The following TESK2 variants were observed in gnomAD, a reference collection of about 807,000 sequenced individuals.
TESK2 encodes the protein dual specificity testis-specific protein kinase 2.
A neutral mutation model predicts 57.1 loss-of-function variants in TESK2; 39 were observed. That is an observed-to-expected ratio of 0.68 (90% CI 0.53 to 0.89). The LOEUF (loss-of-function observed/expected upper bound fraction) is 0.89. Among genes scored for constraint, TESK2 ranks in the 40% least tolerant of loss-of-function variants. The pLI is 0.00. For synonymous variants in TESK2, 249 were observed against 267.9 expected, an observed-to-expected ratio of 0.93 and a Z score of 0.69; for missense variants, 646 against 732.1, an observed-to-expected ratio of 0.88 and a Z score of 1.36.
In TESK2 at chr1:45,344,005, T is replaced by C. The variant is rs958649405; in HGVS notation, c.*835A>G. 8.6e-5 allele frequency: 28 copies of C among 325,130 alleles called. No individual in the cohort carries two copies. Among genetic ancestry groups the C allele is most frequent in the Non-Finnish European group, 1.5e-4 (25 of 172,068 alleles). The allele number at this position is 325,130 out of a possible 1,614,324, so 20.1% of individuals were successfully genotyped here. On this transcript the variant is annotated 3_prime_UTR_variant, in exon 11 of 11. Transcript: ENST00000372086. Reference sequence around the variant, plus strand: ...CAGCTTCATCTTTGGTTATTTCTTATTGCAGCTCTGTAAGGACAGACTGTT... The same window carrying C: ...CAGCTTCATCTTTGGTTATTTCTTACTGCAGCTCTGTAAGGACAGACTGTT...
chr1:45,348,156 C>A (rs956918978), intron 5 of TESK2, among the ~76,000 whole-genome samples, 156 bp from the exon 6 acceptor site: 10 of 152,148 alleles, frequency 6.6e-5, no homozygotes, highest in Non-Finnish European at 1.0e-4. Flanking sequence ...AGGTCAGGGG[C>A]TCTAAGACAG....
At chr1:45,368,773 A>C (rs1176060098) in intron 4 of TESK2, among the ~76,000 whole-genome samples, 4 of 147,266 alleles carry the variant, frequency 2.7e-5, no homozygotes, top group Non-Finnish European at 6.0e-5. Context: ...TTTGAGATGG[A>C]GTTTTGTTCT....
At chr1:45,455,447 C>A (rs1652051198) in intron 2 of TESK2, among the ~76,000 whole-genome samples, 1 of 152,200 alleles carries the variant, frequency 6.6e-6, no homozygotes, top group Admixed American at 6.6e-5. Context: ...CCTTAGCCCC[C>A]ATCTCTTACG....
At chr1:45,425,470 T>C (rs1412008979) in intron 2 of TESK2, among the ~76,000 whole-genome samples, 2 of 151,868 alleles carry the variant, frequency 1.3e-5, no homozygotes, top group Non-Finnish European at 2.9e-5. Flanking sequence ...CTGGGCAACA[T>C]AGTGAGACAC....
intron 4 of TESK2, among the ~76,000 whole-genome samples, chr1:45,365,243 C>T (rs891220952): frequency 6.6e-6 from 1 of 152,190 alleles, no homozygotes; most frequent in Non-Finnish European, 1.5e-5. Flanking sequence ...TACAAGCGTA[C>T]ATCCGTATAT....
intron 1 of TESK2, among the ~76,000 whole-genome samples, chr1:45,472,275 AG>A (rs1652799614): frequency 7.5e-6 from 1 of 132,988 alleles, no homozygotes; most frequent in Admixed American, 7.8e-5. Context: ...AAGGTGTTCA[AG>A]TCCGGGCACC....
At chr1:45,359,093 T>C (rs1307997987) in intron 4 of TESK2, among the ~76,000 whole-genome samples, 1 of 152,342 alleles carries the variant, frequency 6.6e-6, no homozygotes, top group East Asian at 1.9e-4. Flanking sequence ...GGGAACTTAA[T>C]GGGATAAGAG....
At chr1:45,353,776 C>T (rs1016672748) in intron 5 of TESK2, among the ~76,000 whole-genome samples, 1 of 152,168 alleles carries the variant, frequency 6.6e-6, no homozygotes, top group African/African-American at 2.4e-5. Context: ...TTTATATAAG[C>T]CTTGTCATGA....
chr1:45,346,790 G>A lies in TESK2; in HGVS notation c.793-11C>T. 1 of 1,612,446 alleles carries A rather than the reference G, an allele frequency of 6.2e-7. No individual in the cohort carries two copies. Among genetic ancestry groups the A allele is most frequent in the Non-Finnish European group, 8.5e-7 (1 of 1,178,630 alleles). ...GTCCAGCCCGAAATTCTGTGGATGG[G>A]TATGGAAAGCATAGGTAGACAGTTC... On this transcript the variant is annotated splice_polypyrimidine_tract_variant and intron_variant, in intron 8 of 10. Coordinates refer to ENST00000372086, the MANE Select transcript of TESK2 (RefSeq NM_007170.3).
intron 5 of TESK2, among the ~76,000 whole-genome samples, chr1:45,354,567 A>C (rs1647325056): frequency 6.6e-6 from 1 of 151,644 alleles, no homozygotes; most frequent in Non-Finnish European, 1.5e-5. Context: ...TGGAGGTTGC[A>C]GTGAGCCAAG....
At chr1:45,399,933 G>GT (rs879263188) in intron 3 of TESK2, among the ~76,000 whole-genome samples, 62 of 152,170 alleles carry the variant, frequency 4.1e-4, no homozygotes, top group African/African-American at 1.4e-3. Flanking sequence ...TGGGTTAATA[G>GT]TAGCACATGG....
chr1:45,368,921 G>A (rs774784388), intron 4 of TESK2, among the ~76,000 whole-genome samples: 15 of 150,178 alleles, frequency 1.0e-4, no homozygotes, highest in Non-Finnish European at 1.9e-4. Context: ...GCTAATTTTT[G>A]TGTGTGTGTT....
At chr1:45,443,833 A>C (rs1394337493) in intron 2 of TESK2, among the ~76,000 whole-genome samples, 1 of 152,126 alleles carries the variant, frequency 6.6e-6, no homozygotes, top group East Asian at 1.9e-4. Context: ...CACTACAGCT[A>C]TTAGATCAGG....
At chr1:45,399,055 T>C in intron 3 of TESK2, 1 of 407,900 alleles carries the variant, frequency 2.5e-6, no homozygotes, top group East Asian at 7.1e-5. Context: ...ATATACCATG[T>C]AGTTTTGTGC....
At chr1:45,365,771 C>T (rs1241754482) in intron 4 of TESK2, among the ~76,000 whole-genome samples, 4 of 149,066 alleles carry the variant, frequency 2.7e-5, no homozygotes, top group South Asian at 4.3e-4. Flanking sequence ...CTCTGCCTCC[C>T]GGGTTCAAGC....
intron 3 of TESK2, among the ~76,000 whole-genome samples, chr1:45,396,813 T>G (rs768195195): frequency 0.028 from 3,753 of 135,690 alleles, 66 homozygotes; most frequent in Non-Finnish European, 0.042. Context: ...TTGTTTTTTT[T>G]TTTTTTTTTT....
intron 1 of TESK2, among the ~76,000 whole-genome samples, chr1:45,460,307 CATGA>C (rs1274282120): frequency 1.3e-5 from 2 of 152,120 alleles, no homozygotes; most frequent in Non-Finnish European, 2.9e-5. Context: ...CACCTGAGGT[CATGA>C]GTTTGAGACC....
chr1:45,367,828 T>G (rs1227622932), intron 4 of TESK2, among the ~76,000 whole-genome samples: 1 of 146,682 alleles, frequency 6.8e-6, no homozygotes, highest in Non-Finnish European at 1.5e-5. Context: ...CAGCTAATTT[T>G]TTGTATTTTT....
At chr1:45,463,140 T>C (rs895316752) in intron 1 of TESK2, among the ~76,000 whole-genome samples, 1 of 152,232 alleles carries the variant, frequency 6.6e-6, no homozygotes. Context: ...ATTAATTCTT[T>C]GTCAGACGGG....
Sources: allele counts gnomAD v4.1 joint callset (sites outside exome capture counted in the v4.1 genomes callset), GRCh38; gene constraint gnomAD v4.1.1; transcripts MANE v1.5; gene names NCBI Gene and HGNC (gene_info 2026-07-23, HGNC 2026-07-21).